Variants in FCHSD2 observed in about 807,000 individuals in gnomAD.
FCHSD2 encodes FCH and double SH3 domains 2, also known as F-BAR and double SH3 domains protein 2.
FCHSD2 carries 38 observed loss-of-function variants against 108.1 expected under a neutral mutation model. The ratio of observed to expected loss-of-function variants is 0.35; its 90% CI spans 0.27 to 0.46. The LOEUF (loss-of-function observed/expected upper bound fraction) is 0.46. Among genes scored for constraint, FCHSD2 ranks in the 20% least tolerant of loss-of-function variants. FCHSD2 has a pLI of 1.00. For missense variants in FCHSD2, 751 were observed against 897.8 expected, an observed-to-expected ratio of 0.84 and a Z score of 2.09; for synonymous variants, 279 against 314.7, an observed-to-expected ratio of 0.89 and a Z score of 1.20.
intron 5 of FCHSD2, among the ~76,000 whole-genome samples, chr11:73,000,682 C>T (rs898511862): frequency 2.6e-5 from 4 of 152,140 alleles, no homozygotes; most frequent in Admixed American, 1.3e-4. Context: ...TTCTAATACA[C>T]ATCAAACTAT....
At chr11:72,911,646 C>A (rs1425251945) in intron 9 of FCHSD2, among the ~76,000 whole-genome samples, 1 of 151,172 alleles carries the variant, frequency 6.6e-6, no homozygotes, top group African/African-American at 2.4e-5. Context: ...TTGTTTGTGT[C>A]CTCTTCAATT....
rs1300203402 is a variant in FCHSD2 at position 72,837,110 on chromosome 11, AAT to A, written c.*1679_*1680del. On this transcript the variant is annotated 3_prime_UTR_variant, in exon 20 of 20. Transcript: ENST00000409418. ...ATTTAATAAGCATTTGAAGATTTTTAATATGTTAGCAAACTTTAAAATCTTAA... is the reference window on the plus strand; with the variant it reads ...ATTTAATAAGCATTTGAAGATTTTTAATGTTAGCAAACTTTAAAATCTTAA... The A allele has an allele frequency of 5.9e-4, 90 of 152,332 alleles. No homozygotes were observed. Among genetic ancestry groups the A allele is most frequent in the African/African-American group, 2.1e-3 (87 of 41,570 alleles). The allele number at this position is 152,332 out of a possible 1,614,324, so 9.4% of individuals were successfully genotyped here.
chr11:72,848,717 T>C (rs1045710246), intron 14 of FCHSD2, among the ~76,000 whole-genome samples: 1 of 152,214 alleles, frequency 6.6e-6, no homozygotes, highest in Non-Finnish European at 1.5e-5. Context: ...ACAGAGGGAA[T>C]GTTGAATGAA....
intron 12 of FCHSD2, among the ~76,000 whole-genome samples, chr11:72,884,133 T>A (rs575895017): frequency 1.3e-5 from 2 of 152,250 alleles, no homozygotes; most frequent in South Asian, 2.1e-4. Flanking sequence ...CTTGATATTA[T>A]GATTCTTTAT....
chr11:72,899,944 ACT>A (rs1192364196), intron 10 of FCHSD2, among the ~76,000 whole-genome samples: 7 of 152,034 alleles, frequency 4.6e-5, no homozygotes, highest in Non-Finnish European at 1.0e-4. Context: ...TTACCGTATG[ACT>A]CTGGACAAGT....
chr11:73,108,136 T>C (rs1392940269), intron 2 of FCHSD2, among the ~76,000 whole-genome samples: 1 of 152,214 alleles, frequency 6.6e-6, no homozygotes, highest in African/African-American at 2.4e-5. Context: ...TCATTGTAGT[T>C]TTGATATGCA....
chr11:73,048,303 C>T (rs1858815506), intron 3 of FCHSD2, among the ~76,000 whole-genome samples: 1 of 152,140 alleles, frequency 6.6e-6, no homozygotes, highest in South Asian at 2.1e-4. Flanking sequence ...CAAAAGTTAC[C>T]TCTGATCTCC....
chr11:72,991,226 T>C (rs1362888988), intron 5 of FCHSD2, among the ~76,000 whole-genome samples: 1 of 152,094 alleles, frequency 6.6e-6, no homozygotes, highest in Non-Finnish European at 1.5e-5. Flanking sequence ...ATTAATAGCT[T>C]ACCAACCAAA....
chr11:72,994,410 C>CAGT (rs1377628562), intron 5 of FCHSD2, among the ~76,000 whole-genome samples: 21 of 152,100 alleles, frequency 1.4e-4, no homozygotes, highest in Middle Eastern at 3.4e-3. Context: ...GCAGCAGCAG[C>CAGT]AGTAGTAGTA....
intron 3 of FCHSD2, among the ~76,000 whole-genome samples, chr11:73,045,011 AG>A (rs1858725107): frequency 6.6e-6 from 1 of 151,632 alleles, no homozygotes; most frequent in South Asian, 2.1e-4. Context: ...CGGAGGTTGC[AG>A]TGAGCCGAGA....
At chr11:73,066,552 C>T (rs927718943) in intron 3 of FCHSD2, among the ~76,000 whole-genome samples, 2 of 151,952 alleles carry the variant, frequency 1.3e-5, no homozygotes, top group Non-Finnish European at 2.9e-5. Flanking sequence ...TCAGAGTGAA[C>T]AGGCAACCTA....
At chr11:73,006,085 A>G (rs181083352) in intron 4 of FCHSD2, among the ~76,000 whole-genome samples, 1 of 149,852 alleles carries the variant, frequency 6.7e-6, no homozygotes, top group East Asian at 1.9e-4. Flanking sequence ...TTTTTTTTTT[A>G]AATAAAAATA....
intron 8 of FCHSD2, among the ~76,000 whole-genome samples, chr11:72,977,404 G>T (rs556642562): frequency 9.2e-5 from 14 of 152,208 alleles, no homozygotes; most frequent in African/African-American, 3.4e-4. Context: ...GACAGCCCAT[G>T]GAATGGTAAA....
At chr11:73,115,199 G>A (rs1347337116) in intron 2 of FCHSD2, among the ~76,000 whole-genome samples, 7 of 152,248 alleles carry the variant, frequency 4.6e-5, no homozygotes, top group South Asian at 4.1e-4. Flanking sequence ...TTTCCCCTTC[G>A]ACAGAACAGC....
intron 8 of FCHSD2, among the ~76,000 whole-genome samples, chr11:72,955,701 A>G (rs970628599): frequency 6.6e-6 from 1 of 152,106 alleles, no homozygotes; most frequent in Non-Finnish European, 1.5e-5. Flanking sequence ...AGACACTCCT[A>G]TCATTCAGGA....
intron 8 of FCHSD2, among the ~76,000 whole-genome samples, chr11:72,948,946 T>C (rs1320671296): frequency 1.3e-5 from 2 of 151,834 alleles, no homozygotes; most frequent in African/African-American, 4.8e-5. Flanking sequence ...ATTACAGGCA[T>C]GAGCCACAGC....
intron 2 of FCHSD2, among the ~76,000 whole-genome samples, chr11:73,113,712 C>T (rs527887207): frequency 6.6e-6 from 1 of 152,294 alleles, no homozygotes; most frequent in South Asian, 2.1e-4. Context: ...TTTGAAGAAA[C>T]ACCCATTTGT....
chr11:72,891,623 T>C (rs1855316840), intron 10 of FCHSD2, among the ~76,000 whole-genome samples: 1 of 152,206 alleles, frequency 6.6e-6, no homozygotes, highest in Non-Finnish European at 1.5e-5. Context: ...TATACAAAAG[T>C]CAGAGGAATG....
At chr11:73,076,907 G>T (rs1020032699) in intron 3 of FCHSD2, among the ~76,000 whole-genome samples, 1 of 151,826 alleles carries the variant, frequency 6.6e-6, no homozygotes, top group Non-Finnish European at 1.5e-5. Context: ...TCAGGAGATC[G>T]AGACCAACCT....
Sources: gnomAD v4.1 joint callset for allele counts (sites outside exome capture counted in the v4.1 genomes callset) on GRCh38, gnomAD v4.1.1 for gene constraint, MANE v1.5 for transcripts, NCBI Gene and HGNC (gene_info 2026-07-23, HGNC 2026-07-21) for gene names.